Variants in CFAP73 observed in about 807,000 individuals in gnomAD.
CFAP73 encodes the protein cilia and flagella associated protein 73.
In CFAP73, 33 loss-of-function variants were observed where a neutral mutation model predicts 42.9. The observed-to-expected ratio is 0.77, with a 90% CI of 0.58 to 1.03. The LOEUF (loss-of-function observed/expected upper bound fraction) is 1.03. Among genes scored for constraint, CFAP73 ranks in the 50% least tolerant of loss-of-function variants. The pLI is 0.00. For synonymous variants in CFAP73, 162 were observed against 186.8 expected, an observed-to-expected ratio of 0.87 and a Z score of 1.08; for missense variants, 392 against 411.9, an observed-to-expected ratio of 0.95 and a Z score of 0.42.
intron 2 of CFAP73, among the ~76,000 whole-genome samples, chr12:113,152,491 CAA>C (rs1014375062): frequency 2.6e-5 from 4 of 152,178 alleles, no homozygotes; most frequent in Non-Finnish European, 4.4e-5. Flanking sequence ...AAACCATACA[CAA>C]AGACTGGTTG....
rs999333642 is a variant in CFAP73, at chr12:113,155,391, C to T, written c.822C>T (p.Ile274=). 12 of 1,551,090 alleles carry T rather than the reference C, an allele frequency of 7.7e-6. No individual in the cohort carries two copies. In the African/African-American group the frequency reaches 8.2e-5, roughly 11 times the overall value. ...AGGGGCAGCCTCCCACCCTGGACAT[C>T]GAGGACACGGAGGGACAGCTAGAGC... is the stretch of plus-strand genomic sequence containing the variant. ...QHQGQPPTLD[I]EDTEGQLEHV... The change falls in exon 6 of 8, where the codon ATC becomes ATT. Residue 274 remains isoleucine (I), a synonymous_variant. Coordinates refer to ENST00000335621, the MANE Select transcript of CFAP73 (RefSeq NM_001144872.3).
At position 113,154,949 on chromosome 12, in the gene CFAP73, C is replaced by T. The variant is rs1021826882; in HGVS notation, c.691-311C>T. Among the ~76,000 whole-genome samples the T allele has an allele frequency of 3.9e-5, 6 of 152,206 alleles. 2 individuals are homozygous for T. Among genetic ancestry groups the T allele is most frequent in the Non-Finnish European group, 7.3e-5 (5 of 68,040 alleles). On this transcript the variant is annotated intron_variant, in intron 5 of 7. Coordinates refer to ENST00000335621, the MANE Select transcript of CFAP73 (RefSeq NM_001144872.3). The surrounding 1 kb of genome is among the most constrained non-coding windows in gnomAD (Gnocchi z 4.7). ...CTTTGGGAGGCCGAAAGGGGCGGATCACCTCAGGTCATGAGTTCGAGACCA... is the reference window on the plus strand; with the variant it reads ...CTTTGGGAGGCCGAAAGGGGCGGATTACCTCAGGTCATGAGTTCGAGACCA...
In CFAP73 at chr12:113,152,862, TC is replaced by T; in HGVS notation, c.243del (p.Phe81LeufsTer97). On this transcript the variant is annotated frameshift_variant, in exon 3 of 8. Coordinates refer to ENST00000335621, the MANE Select transcript of CFAP73 (RefSeq NM_001144872.3). LOFTEE classifies it high-confidence loss of function. ...EQKERELKGSFIRFDKFLQDS... is the reference protein window; with the variant it reads ...EQKERELKGSXIRFDKFLQDS... ...AAGGAGCGGGAGCTAAAGGGATCGTTCATCCGCTTTGACAAGTTTTTGCAGG... is the reference window on the plus strand; with the variant it reads ...AAGGAGCGGGAGCTAAAGGGATCGTTATCCGCTTTGACAAGTTTTTGCAGG... The T allele has an allele frequency of 2.6e-6, 4 of 1,551,602 alleles. No individual in the cohort carries two copies. Among genetic ancestry groups the T allele is most frequent in the Non-Finnish European group, 3.5e-6 (4 of 1,146,938 alleles).
Position 113,149,877 on chromosome 12 carries a change from A to G in CFAP73, c.20A>G (p.Glu7Gly). 6.4e-7 allele frequency: 1 copy of G among 1,551,654 alleles called. No individual in the cohort carries two copies. Among genetic ancestry groups the G allele is most frequent in the Non-Finnish European group, 8.7e-7 (1 of 1,146,962 alleles). ...AGAAGGATGGCGGTGCCCTGGGAGG[A>G]ATATTTCCGACTGGCTTTGCAAGAG... MAVPWEEYFRLALQEKL... is the reference protein window; with the variant it reads MAVPWEGYFRLALQEKL... The change falls in exon 1 of 8, where the codon GAA becomes GGA. Residue 7 changes from glutamate (E) to glycine (G), a missense_variant. Glu to Gly is a moderately conservative substitution (Grantham distance 98). Transcript: ENST00000335621.
Position 113,155,304 on chromosome 12 carries a change from T to C in CFAP73, c.735T>C (p.Thr245=). The change falls in exon 6 of 8, where the codon ACT becomes ACC. Residue 245 remains threonine (T), a synonymous_variant. Transcript: ENST00000335621. ...TTCAGAACACAGCAGCGGAGAAGAC[T>C]CTGCTCCTGGGACGCAGCAGGATGG... ...IQIQNTAAEK[T]LLLGRSRMAV... The C allele has an allele frequency of 6.5e-7, 1 of 1,550,356 alleles. No homozygotes were observed. Among genetic ancestry groups the C allele is most frequent in the Non-Finnish European group, 8.7e-7 (1 of 1,145,994 alleles).
chr12:113,152,092 G>T (rs899579428), intron 2 of CFAP73, 69 bp downstream of exon 2: 5 of 1,128,538 alleles, frequency 4.4e-6, no homozygotes, highest in Non-Finnish European at 6.5e-6. Flanking sequence ...ATTTATTAGT[G>T]ACAAGGTCTG....
chr12:113,154,567 G>C lies in CFAP73; in HGVS notation c.622G>C (p.Ala208Pro). 1 of 1,453,446 alleles carries C rather than the reference G, an allele frequency of 6.9e-7. No homozygotes were observed. The highest frequency in any genetic ancestry group is 9.0e-7 in the Non-Finnish European group (1 of 1,113,934). 90.0% of individuals were successfully genotyped at this position (1,453,446 alleles called of 1,614,324 possible). ...GGACGCCTGGCCGGACGAGGTGCTC[G>C]CACAGGGCCAGCGGCGGGCACAGCT... ...LRDAWPDEVLAQGQRRAQLQE... is the reference protein window; with the variant it reads ...LRDAWPDEVLPQGQRRAQLQE... The change falls in exon 5 of 8, where the codon GCA becomes CCA. Residue 208 changes from alanine (A) to proline (P), a missense_variant. Ala to Pro is a conservative substitution (Grantham distance 27). Transcript: ENST00000335621. This position sits in a 1 kb window ranked among gnomAD's most constrained non-coding sequence, Gnocchi z 4.7.
Position 113,158,910 on chromosome 12 carries a change from G to T in CFAP73, c.*221G>T. Reference sequence around the variant, plus strand: ...TCTTCCGCATCTTGCCCTTCTTGGAGCGGGCACCCCGGCCGAAGGCGCCCT... The same window carrying T: ...TCTTCCGCATCTTGCCCTTCTTGGATCGGGCACCCCGGCCGAAGGCGCCCT... On this transcript the variant is annotated 3_prime_UTR_variant, in exon 8 of 8. Coordinates refer to ENST00000335621, the MANE Select transcript of CFAP73 (RefSeq NM_001144872.3). This position sits in a 1 kb window ranked among gnomAD's most constrained non-coding sequence, Gnocchi z 4.9. 1 of 1,607,614 alleles carries T rather than the reference G, an allele frequency of 6.2e-7. No individual in the cohort carries two copies. The highest frequency in any genetic ancestry group is 8.5e-7 in the Non-Finnish European group (1 of 1,175,430).
At chr12:113,157,723 C>T (rs541007541) in intron 7 of CFAP73, 33 bp downstream of exon 7, 21 of 1,472,842 alleles carry the variant, frequency 1.4e-5, no homozygotes, top group Non-Finnish European at 1.9e-5. Context: ...CCTGAGAGAC[C>T]CTGAGATAGG....
At chr12:113,151,666 C>T (rs962325379) in intron 1 of CFAP73, among the ~76,000 whole-genome samples, 1 of 151,766 alleles carries the variant, frequency 6.6e-6, no homozygotes, top group African/African-American at 2.4e-5. Context: ...GGTGTGGTGG[C>T]ACATGCCTGC....
At position 113,154,079 on chromosome 12, in the gene CFAP73, AG is replaced by A. The variant is rs1952092359; in HGVS notation, c.469-334del. On this transcript the variant is annotated intron_variant, in intron 4 of 7. Transcript: ENST00000335621. The surrounding 1 kb of genome is among the most constrained non-coding windows in gnomAD (Gnocchi z 4.7). ...GGCGGGAGGATTGCTTGAAGCCAGG[AG>A]TTCGAGACCAGTCTGGGTAACATAG... 6.6e-6 allele frequency among the ~76,000 whole-genome samples: 1 copy of A among 152,002 alleles called. No homozygotes were observed. Among genetic ancestry groups the A allele is most frequent in the Non-Finnish European group, 1.5e-5 (1 of 68,004 alleles).
At position 113,155,247 on chromosome 12, in the gene CFAP73, G is replaced by T. The variant is rs906287038; in HGVS notation, c.691-13G>T. On this transcript the variant is annotated splice_polypyrimidine_tract_variant and intron_variant, in intron 5 of 7. Transcript: ENST00000335621. The stretch of plus-strand genomic sequence containing the variant: ...CAGTTGCCATAATTGGGAGTGGGGC[G>T]GGTGTTCTCCAGGAATCCAAGTGGA... 64 of 1,518,690 alleles carry T rather than the reference G, an allele frequency of 4.2e-5. No individual in the cohort carries two copies. The East Asian group carries it at 1.5e-3, about 36-fold the overall frequency. 94.1% of individuals were successfully genotyped at this position (1,518,690 alleles called of 1,614,324 possible).
chr12:113,152,828 C>A lies in CFAP73; in HGVS notation c.208C>A (p.Leu70Met), dbSNP rs989787089. 6.4e-7 allele frequency: 1 copy of A among 1,551,584 alleles called. No homozygotes were observed. The highest frequency in any genetic ancestry group is 1.4e-5 in the African/African-American group (1 of 73,044). ...AGCCCTGAAACAGCGTTGGGAACAG[C>A]TGGAACAAAAGGAGCGGGAGCTAAA... ...TAALKQRWEQ[L>M]EQKERELKGS... Residue 70 changes from leucine to methionine, a missense_variant, in exon 3 of 8, where the codon CTG becomes ATG. By Grantham distance (15) the Leu-to-Met change is conservative. Coordinates refer to ENST00000335621, the MANE Select transcript of CFAP73 (RefSeq NM_001144872.3).
At chr12:113,152,744 C>T (rs1371911480) in intron 2 of CFAP73, 39 bp from the exon 3 acceptor site, 3 of 1,433,740 alleles carry the variant, frequency 2.1e-6, no homozygotes, top group East Asian at 2.5e-5. Flanking sequence ...AGGACCCGGA[C>T]CCCCGAACCC....
Position 113,149,874 on chromosome 12 carries a change from A to T in CFAP73, c.17A>T (p.Glu6Val). Residue 6 changes from glutamate (E) to valine (V), a missense_variant, in exon 1 of 8, where the codon GAG becomes GTG. Glu to Val is a moderately radical substitution (Grantham distance 121). Transcript: ENST00000335621. MAVPW[E>V]EYFRLALQEK... ...GCCAGAAGGATGGCGGTGCCCTGGG[A>T]GGAATATTTCCGACTGGCTTTGCAA... The T allele has an allele frequency of 1.3e-6, 2 of 1,551,472 alleles. No homozygotes were observed. The highest frequency in any genetic ancestry group is 1.7e-6 in the Non-Finnish European group (2 of 1,146,848).
rs200344876 is a variant in CFAP73, at chr12:113,154,501, G to GC, written c.557dup (p.Glu187GlyfsTer116). ...GAGGCTCAGGGAGCGCGAGCAGCTC[G>GC]CGGAGCTGGAGGCGGCGCGAGCGCG... On this transcript the variant is annotated frameshift_variant, in exon 5 of 8. Coordinates refer to ENST00000335621, the MANE Select transcript of CFAP73 (RefSeq NM_001144872.3). LOFTEE classifies it high-confidence loss of function. The surrounding 1 kb of genome is among the most constrained non-coding windows in gnomAD (Gnocchi z 4.7). 1,438 of 1,534,586 alleles carry GC rather than the reference G, an allele frequency of 9.4e-4. 27 individuals are homozygous for GC. The East Asian group carries it at 0.029, about 31-fold the overall frequency.
At chr12:113,151,763 G>A (rs1952063570) in intron 1 of CFAP73, among the ~76,000 whole-genome samples, 155 bp from the exon 2 acceptor site, 1 of 150,552 alleles carries the variant, frequency 6.6e-6, no homozygotes, top group African/African-American at 2.5e-5. Context: ...CTCCAGCCTG[G>A]GTGACAAAGC....
chr12:113,153,040 TAAA>T (rs547434077), intron 3 of CFAP73, 153 bp downstream of exon 3: 51 of 698,768 alleles, frequency 7.3e-5, no homozygotes, highest in Non-Finnish European at 9.2e-5. Context: ...AGCAACCGAT[TAAA>T]AAAAAAAAAA....
Position 113,153,252 on chromosome 12 carries a change from G to C in CFAP73, c.312G>C (p.Glu104Asp). 6.6e-7 allele frequency: 1 copy of C among 1,521,122 alleles called. No individual in the cohort carries two copies. Among genetic ancestry groups the C allele is most frequent in the South Asian group, 1.2e-5 (1 of 82,616 alleles). The allele number at this position is 1,521,122 out of a possible 1,614,324, so 94.2% of individuals were successfully genotyped here. A position where few individuals can be genotyped will look rare whatever the true frequency, so the allele number is the denominator to read the frequency against. The change falls in exon 4 of 8, where the codon GAG becomes GAC. Residue 104 changes from glutamate (E) to aspartate (D), a missense_variant. Physicochemically the swap from Glu to Asp is conservative, Grantham distance 45. Transcript: ENST00000335621. ...RRNRALRRAA[E>D]ERHQAGRREV... ...ATCGCGCGCTGCGGAGGGCGGCGGA[G>C]GAGAGGCACCAGGCGGGCCGTCGGG...
Sources: gnomAD v4.1 joint callset for allele counts (sites outside exome capture counted in the v4.1 genomes callset) on GRCh38, gnomAD v4.1.1 for gene constraint, Gnocchi (gnomAD v3.1) non-coding constraint, MANE v1.5 for transcripts, NCBI Gene and HGNC (gene_info 2026-07-23, HGNC 2026-07-21) for gene names.